FAT3: variants seen among roughly 807,000 people sequenced by gnomAD.
FAT3 encodes protocadherin Fat 3.
In FAT3, 95 loss-of-function variants were observed where a neutral mutation model predicts 310.2. The ratio of observed to expected loss-of-function variants is 0.31; its 90% CI spans 0.26 to 0.36. The LOEUF is 0.36. Ranked by LOEUF, FAT3 falls within the 10% of genes least tolerant of loss-of-function variation. FAT3 has a pLI of 1.00. For missense variants in FAT3, 5,408 were observed against 5,715.6 expected, an observed-to-expected ratio of 0.95 and a Z score of 1.74; for synonymous variants, 2,314 against 2,192.9, an observed-to-expected ratio of 1.06 and a Z score of -1.54.
At chr11:92,767,512 C>T (rs1470751054) in intron 6 of FAT3, among the ~76,000 whole-genome samples, 1 of 152,100 alleles carries the variant, frequency 6.6e-6, no homozygotes, top group Non-Finnish European at 1.5e-5. Context: ...GATGCCCTCA[C>T]TTGTACTCTG....
rs1485586178 is a variant in FAT3, at chr11:92,867,153, C to A, written c.12071C>A (p.Ala4024Asp). Reference sequence around the variant, plus strand: ...CTGGGCTGCGTGCTCTATCCCGACGCCTGCAAGCGCAGCCCGTGCCAGCAC... The same window carrying A: ...CTGGGCTGCGTGCTCTATCCCGACGACTGCAAGCGCAGCCCGTGCCAGCAC... ...LKLGCVLYPD[A>D]CKRSPCQHGG... is the part of the protein sequence containing the mutation. Residue 4024 changes from alanine (A) to aspartate (D), a missense_variant, in exon 22 of 28, where the codon GCC (alanine) becomes GAC (aspartate). Physicochemically the swap from Ala to Asp is moderately radical, Grantham distance 126. Transcript: ENST00000525166. 3.8e-6 allele frequency: 6 copies of A among 1,599,396 alleles called. No individual in the cohort carries two copies. The highest frequency in any genetic ancestry group is 5.1e-6 in the Non-Finnish European group (6 of 1,174,820).
intron 3 of FAT3, among the ~76,000 whole-genome samples, chr11:92,669,394 C>G (rs954709975): frequency 6.6e-6 from 1 of 152,208 alleles, no homozygotes; most frequent in Admixed American, 6.5e-5. Context: ...TCTGCAAGCA[C>G]ATAGGGGAGT....
At chr11:92,805,117 A>G (rs1398181070) in intron 10 of FAT3, 36 bp from the exon 11 acceptor site, 4 of 1,592,694 alleles carry the variant, frequency 2.5e-6, no homozygotes, top group Non-Finnish European at 3.4e-6. Flanking sequence ...ATTTCATTGC[A>G]CATCTTCAAA....
chr11:92,536,511 T>C (rs574846562), intron 3 of FAT3, among the ~76,000 whole-genome samples: 1 of 152,312 alleles, frequency 6.6e-6, no homozygotes, highest in Non-Finnish European at 1.5e-5. Flanking sequence ...ATGAACTGGC[T>C]TGCTATTAAC....
intron 2 of FAT3, among the ~76,000 whole-genome samples, chr11:92,414,562 T>A (rs1950366514): frequency 6.6e-6 from 1 of 152,260 alleles, no homozygotes; most frequent in South Asian, 2.1e-4. Flanking sequence ...TGCATTAGTT[T>A]TGTATTTCTC....
At chr11:92,440,760 G>A (rs1274423958) in intron 2 of FAT3, among the ~76,000 whole-genome samples, 2 of 152,152 alleles carry the variant, frequency 1.3e-5, no homozygotes, top group Non-Finnish European at 2.9e-5. Flanking sequence ...TTACCAAAGG[G>A]TTAGTAATAA....
chr11:92,241,603 G>A (rs888118327), intron 1 of FAT3, among the ~76,000 whole-genome samples: 3 of 151,954 alleles, frequency 2.0e-5, no homozygotes, highest in African/African-American at 2.4e-5. Context: ...TCATCTGATT[G>A]AGCAGATGTA....
In FAT3 at chr11:92,801,713, G is replaced by A. The variant is rs759072200; in HGVS notation, c.8700G>A (p.Glu2900=). 1.2e-5 allele frequency: 19 copies of A among 1,613,926 alleles called. No individual in the cohort carries two copies. In the Middle Eastern group the frequency reaches 6.6e-4, roughly 56 times the overall value. The change falls in exon 10 of 28, where the codon GAG becomes GAA. Residue 2900 remains glutamate, a synonymous_variant. Coordinates refer to ENST00000525166, the MANE Select transcript of FAT3 (RefSeq NM_001367949.2). ...CTGTGGTGGCCTCTGACCTTGGAGAGGCATTCTCTCTTTCCTCCACGGCCT... is the reference window on the plus strand; with the variant it reads ...CTGTGGTGGCCTCTGACCTTGGAGAAGCATTCTCTCTTTCCTCCACGGCCT... The part of the protein sequence containing the change: ...TFSVVASDLG[E]AFSLSSTALV...
At chr11:92,709,561 C>T (rs770420392) in intron 4 of FAT3, among the ~76,000 whole-genome samples, 1 of 152,146 alleles carries the variant, frequency 6.6e-6, no homozygotes, top group Admixed American at 6.5e-5. Flanking sequence ...CCGCTTTGTA[C>T]CCCAGCACCT....
intron 2 of FAT3, among the ~76,000 whole-genome samples, chr11:92,379,648 T>C (rs1261665183): frequency 6.6e-6 from 1 of 151,696 alleles, no homozygotes; most frequent in East Asian, 1.9e-4. Context: ...TATTTGTGGG[T>C]TATCTTGGAT....
chr11:92,564,894 G>C (rs9667164), intron 3 of FAT3, among the ~76,000 whole-genome samples: 45,108 of 132,060 alleles, frequency 0.34, 8,042 homozygotes, highest in Middle Eastern at 0.51. Context: ...GCAGTGTGTA[G>C]AGGGAAATTT....
intron 3 of FAT3, among the ~76,000 whole-genome samples, chr11:92,588,061 C>T (rs1049902719): frequency 2.6e-5 from 4 of 151,924 alleles, no homozygotes. Flanking sequence ...AGGTAGTCTG[C>T]CTCCCACCTT....
intron 3 of FAT3, among the ~76,000 whole-genome samples, chr11:92,671,374 TTCA>T (rs1943123804): frequency 6.6e-6 from 1 of 152,214 alleles, no homozygotes; most frequent in East Asian, 1.9e-4. Flanking sequence ...GTTTCACTAG[TTCA>T]TCAAGTTTTT....
At chr11:92,705,411 G>GGTT (rs1944252257) in intron 4 of FAT3, among the ~76,000 whole-genome samples, 2 of 89,504 alleles carry the variant, frequency 2.2e-5, no homozygotes, top group African/African-American at 4.1e-5. Context: ...TGGTGGTGGT[G>GGTT]ATGGTGGTAG....
chr11:92,600,609 T>G (rs147107378), intron 3 of FAT3, among the ~76,000 whole-genome samples: 28 of 152,340 alleles, frequency 1.8e-4, no homozygotes, highest in Non-Finnish European at 2.8e-4. Context: ...GTCTACTATT[T>G]GCCAGGATGT....
chr11:92,656,367 C>T (rs931227909), intron 3 of FAT3, among the ~76,000 whole-genome samples: 2 of 152,182 alleles, frequency 1.3e-5, no homozygotes, highest in East Asian at 3.9e-4. Context: ...ACAAGTGAAT[C>T]CTTGCCCTGG....
At chr11:92,278,166 C>T (rs1565196538) in intron 1 of FAT3, among the ~76,000 whole-genome samples, 2 of 152,004 alleles carry the variant, frequency 1.3e-5, no homozygotes, top group Non-Finnish European at 2.9e-5. Flanking sequence ...CTTTCTGAAG[C>T]GATTGGTGAA....
chr11:92,324,681 T>C (rs1179469824), intron 1 of FAT3, among the ~76,000 whole-genome samples: 2 of 152,160 alleles, frequency 1.3e-5, no homozygotes. Context: ...TGTGAGAACA[T>C]GCTGTTGGAA....
At chr11:92,271,314 A>G (rs867690778) in intron 1 of FAT3, among the ~76,000 whole-genome samples, 17 of 151,724 alleles carry the variant, frequency 1.1e-4, no homozygotes, top group African/African-American at 3.4e-4. Context: ...CTGGACCTTA[A>G]CCCTCCCCAA....
Sources: gnomAD v4.1 joint callset for allele counts (sites outside exome capture counted in the v4.1 genomes callset) on GRCh38, gnomAD v4.1.1 for gene constraint, MANE v1.5 for transcripts, NCBI Gene and HGNC (gene_info 2026-07-23, HGNC 2026-07-21) for gene names.